FTCDNL1: variants seen among roughly 807,000 people sequenced by gnomAD.
FTCDNL1 encodes the protein formiminotransferase N-terminal subdomain-containing protein.
Under a neutral mutation model 5.9 loss-of-function variants are expected in FTCDNL1, and 11 were observed. That is an observed-to-expected ratio of 1.87 (90% confidence interval 1.18 to 3.10). FTCDNL1 has a LOEUF of 3.10. Among genes scored for constraint, FTCDNL1 ranks in the 30% most tolerant of loss-of-function variants. The probability of loss-of-function intolerance (pLI) is 0.00; values close to 1 mark genes in which losing one functional copy is unlikely to be tolerated. For missense variants in FTCDNL1, 115 were observed against 65.5 expected, an observed-to-expected ratio of 1.76 and a Z score of -2.61; for synonymous variants, 58 against 24.8, an observed-to-expected ratio of 2.34 and a Z score of -3.99.
intron 3 of FTCDNL1, among the ~76,000 whole-genome samples, chr2:199,840,468 C>T (rs892266283): frequency 3.3e-5 from 5 of 151,602 alleles, no homozygotes; most frequent in Admixed American, 1.3e-4. Context: ...TGGTGTGTGT[C>T]TGTGTTTGTG....
chr2:199,764,938 T>C (rs1323964438), intron 3 of FTCDNL1, among the ~76,000 whole-genome samples: 1 of 152,166 alleles, frequency 6.6e-6, no homozygotes, highest in African/African-American at 2.4e-5. Context: ...GTCATCTAAG[T>C]ACAGACTTAG....
intron 3 of FTCDNL1, among the ~76,000 whole-genome samples, chr2:199,829,870 T>C (rs377455940): frequency 1.3e-5 from 2 of 152,206 alleles, no homozygotes; most frequent in East Asian, 1.9e-4. Flanking sequence ...CCCTTTCCTC[T>C]AGGAAAAGTT....
the FTCDNL1 span, among the ~76,000 whole-genome samples, chr2:199,716,477 G>C: frequency 6.6e-6 from 1 of 152,148 alleles, no homozygotes; most frequent in Non-Finnish European, 1.5e-5. Flanking sequence ...GACTCTGAGA[G>C]TAATTATATT....
chr2:199,790,602 A>G (rs1479369333), intron 3 of FTCDNL1, among the ~76,000 whole-genome samples: 1 of 152,320 alleles, frequency 6.6e-6, no homozygotes, highest in East Asian at 1.9e-4. Context: ...TCAAATAAAA[A>G]TCAAATAAAT....
intron 4 of FTCDNL1, among the ~76,000 whole-genome samples, chr2:199,818,000 A>T (rs893576594): frequency 6.6e-6 from 1 of 152,222 alleles, no homozygotes; most frequent in Non-Finnish European, 1.5e-5. Context: ...TTTTTATATC[A>T]GGTTAAAGTT....
chr2:199,851,135 CCCGCGCGCAGCCTCCGCCG>C lies in FTCDNL1; in HGVS notation c.-422_-404del, dbSNP rs1271204262. 1 of 137,716 alleles carries C rather than the reference CCCGCGCGCAGCCTCCGCCG, an allele frequency of 7.3e-6. No homozygotes were observed. The highest frequency in any genetic ancestry group is 3.0e-5 in the African/African-American group (1 of 32,884). The allele number at this position is 137,716 out of a possible 1,614,324, so 8.5% of individuals were successfully genotyped here. ...CAGCCCAAGTCGCCGCCGCGCGTGG[CCCGCGCGCAGCCTCCGCCG>C]CCGCGCGTGGCCCGCGCGCAGCGTC... On this transcript the variant is annotated 5_prime_UTR_variant, in exon 1 of 5. Transcript: ENST00000420128.
At chr2:199,749,740 G>A in the FTCDNL1 span, among the ~76,000 whole-genome samples, 5 of 152,128 alleles carry the variant, frequency 3.3e-5, no homozygotes, top group African/African-American at 1.2e-4. Flanking sequence ...CACCCAGCAG[G>A]CACGGCCGAG....
the FTCDNL1 span, among the ~76,000 whole-genome samples, chr2:199,743,016 G>C: frequency 6.6e-6 from 1 of 152,236 alleles, no homozygotes; most frequent in Non-Finnish European, 1.5e-5. Flanking sequence ...GCAGCCTTCA[G>C]GGGTTACCTG....
the FTCDNL1 span, among the ~76,000 whole-genome samples, chr2:199,707,502 G>A: frequency 6.6e-6 from 1 of 152,086 alleles, no homozygotes; most frequent in Non-Finnish European, 1.5e-5. Context: ...TTTAATGAAT[G>A]TTGGTTCTGT....
chr2:199,726,117 T>G, the FTCDNL1 span, among the ~76,000 whole-genome samples: 19 of 152,312 alleles, frequency 1.2e-4, no homozygotes, highest in African/African-American at 4.1e-4. Flanking sequence ...TTTGTCTGCC[T>G]GTCATATTTC....
intron 3 of FTCDNL1, among the ~76,000 whole-genome samples, chr2:199,762,039 C>T (rs145112141): frequency 6.6e-5 from 10 of 152,064 alleles, no homozygotes; most frequent in East Asian, 3.9e-4. Context: ...CTAACACTAA[C>T]GATAGCCGAT....
chr2:199,737,357 G>A, the FTCDNL1 span, among the ~76,000 whole-genome samples: 3 of 152,160 alleles, frequency 2.0e-5, no homozygotes, highest in African/African-American at 4.8e-5. Context: ...TTTCAGATAG[G>A]AGCCTTCATA....
the FTCDNL1 span, among the ~76,000 whole-genome samples, chr2:199,740,693 C>G: frequency 1.3e-5 from 2 of 152,166 alleles, no homozygotes; most frequent in African/African-American, 4.8e-5. Flanking sequence ...AGGCAATTGT[C>G]ATTGAATCTC....
At chr2:199,825,519 G>A (rs1701976866) in intron 3 of FTCDNL1, among the ~76,000 whole-genome samples, 1 of 152,220 alleles carries the variant, frequency 6.6e-6, no homozygotes, top group African/African-American at 2.4e-5. Context: ...GGGGCCTAAT[G>A]GGAGGAGTTT....
At chr2:199,801,476 G>A (rs1311061213) in intron 3 of FTCDNL1, among the ~76,000 whole-genome samples, 3 of 151,886 alleles carry the variant, frequency 2.0e-5, no homozygotes, top group South Asian at 4.2e-4. Flanking sequence ...GTGAGACTCC[G>A]TCTCTATCAA....
the FTCDNL1 span, among the ~76,000 whole-genome samples, chr2:199,726,443 G>T: frequency 6.6e-6 from 1 of 152,162 alleles, no homozygotes; most frequent in African/African-American, 2.4e-5. Context: ...GAGAGGTGTT[G>T]CAATCATTTG....
the FTCDNL1 span, among the ~76,000 whole-genome samples, chr2:199,750,466 TC>T: frequency 6.6e-6 from 1 of 152,134 alleles, no homozygotes; most frequent in South Asian, 2.1e-4. Flanking sequence ...ACACACCAAG[TC>T]AGGGGGGAAA....
At chr2:199,719,065 A>G in the FTCDNL1 span, among the ~76,000 whole-genome samples, 1 of 151,828 alleles carries the variant, frequency 6.6e-6, no homozygotes, top group Admixed American at 6.6e-5. Flanking sequence ...CCATTTGTCT[A>G]TTTTTGTTTT....
the FTCDNL1 span, among the ~76,000 whole-genome samples, chr2:199,742,940 G>A: frequency 6.6e-6 from 1 of 152,182 alleles, no homozygotes; most frequent in African/African-American, 2.4e-5. Context: ...CACCTGTTAG[G>A]TTCTTGGGGA....
Sources: gnomAD v4.1 joint callset for allele counts (sites outside exome capture counted in the v4.1 genomes callset) on GRCh38, gnomAD v4.1.1 for gene constraint, MANE v1.5 for transcripts, NCBI Gene and HGNC (gene_info 2026-07-23, HGNC 2026-07-21) for gene names.